Variants in RNF216 observed in about 807,000 individuals in gnomAD.
RNF216 encodes E3 ubiquitin-protein ligase RNF216.
In RNF216, 72 loss-of-function variants were observed where a neutral mutation model predicts 110.8. The ratio of observed to expected loss-of-function variants is 0.65; its 90% CI spans 0.54 to 0.79. The LOEUF is 0.79. Among genes scored for constraint, RNF216 ranks in the 30% least tolerant of loss-of-function variants. RNF216 has a pLI of 0.00. For missense variants in RNF216, 1,342 were observed against 1,141.2 expected (o/e 1.18, Z -2.54); for synonymous variants, 495 against 407.5 (o/e 1.21, Z -2.59).
chr7:5,739,597 T>C, intron 4 of RNF216: 2 of 584,712 alleles, frequency 3.4e-6, no homozygotes, highest in South Asian at 3.0e-5. Flanking sequence ...CCATTCTTCA[T>C]TGCTTCAACA....
chr7:5,649,376 G>A (rs545164339), intron 14 of RNF216, among the ~76,000 whole-genome samples: 2 of 109,672 alleles, frequency 1.8e-5, no homozygotes, highest in Admixed American at 8.3e-5. Flanking sequence ...CGGAGACTCC[G>A]TCTCCAAAGG....
intron 3 of RNF216, among the ~76,000 whole-genome samples, chr7:5,751,800 C>G (rs1235570077): frequency 1.4e-5 from 1 of 72,572 alleles, no homozygotes; most frequent in African/African-American, 5.4e-5. Context: ...CCTAGAACCA[C>G]AATAAAGCCA....
chr7:5,671,657 C>G (rs1789919432), intron 13 of RNF216, among the ~76,000 whole-genome samples: 1 of 151,902 alleles, frequency 6.6e-6, no homozygotes, highest in African/African-American at 2.4e-5. Context: ...ACAAAAAAAT[C>G]AGCTGGGCGC....
At chr7:5,730,469 T>C (rs975676024) in intron 6 of RNF216, among the ~76,000 whole-genome samples, 1 of 152,252 alleles carries the variant, frequency 6.6e-6, no homozygotes, top group African/African-American at 2.4e-5. Flanking sequence ...TTCAATTCTT[T>C]GTGGGAAAAG....
At chr7:5,738,656 C>T (rs1045859130) in intron 5 of RNF216, among the ~76,000 whole-genome samples, 2 of 138,244 alleles carry the variant, frequency 1.4e-5, no homozygotes, top group African/African-American at 5.5e-5. Context: ...TGCAGTGAGC[C>T]GAGATCGCAC....
At chr7:5,722,955 AAAC>A (rs991442077) in intron 8 of RNF216, among the ~76,000 whole-genome samples, 1 of 152,108 alleles carries the variant, frequency 6.6e-6, no homozygotes, top group African/African-American at 2.4e-5. Flanking sequence ...AAATTAAAAA[AAAC>A]AACAGCAACA....
At chr7:5,652,215 T>C (rs1245714825) in intron 14 of RNF216, among the ~76,000 whole-genome samples, 198 bp downstream of exon 14, 4 of 152,162 alleles carry the variant, frequency 2.6e-5, no homozygotes, top group South Asian at 2.1e-4. Flanking sequence ...ATATGTTAGT[T>C]TGTCTTCTGA....
chr7:5,674,843 A>C (rs896366945), intron 13 of RNF216, among the ~76,000 whole-genome samples: 1 of 151,908 alleles, frequency 6.6e-6, no homozygotes, highest in Admixed American at 6.6e-5. Flanking sequence ...TAAAAAATAC[A>C]AAAATTAGCT....
At chr7:5,712,232 C>T (rs1297280378) in intron 12 of RNF216, among the ~76,000 whole-genome samples, 1 of 152,164 alleles carries the variant, frequency 6.6e-6, no homozygotes. Flanking sequence ...GTAGTCCCAG[C>T]ACTTTGGGAG....
rs527819871 is a variant in RNF216, at chr7:5,759,195, G to C, written c.67+1808C>G. Among the ~76,000 whole-genome samples, 14 of 152,260 alleles carry C rather than the reference G, an allele frequency of 9.2e-5. No homozygotes were observed. The South Asian group carries it at 2.1e-3, about 23-fold the overall frequency. On this transcript the variant is annotated intron_variant, in intron 2 of 16. Transcript: ENST00000389902. ...CCTTTTCCTTCTGTCATGATTGTAA[G>C]TTTCCTAAGGCCTCCCCCAGAAGCA...
intron 1 of RNF216, among the ~76,000 whole-genome samples, chr7:5,772,008 T>TG (rs903520686): frequency 6.6e-6 from 1 of 151,794 alleles, no homozygotes; most frequent in African/African-American, 2.4e-5. Context: ...CCGAGGCGGG[T>TG]GGATCACCTG....
intron 14 of RNF216, among the ~76,000 whole-genome samples, chr7:5,647,084 G>C (rs140195158): frequency 5.9e-4 from 90 of 152,196 alleles, no homozygotes; most frequent in African/African-American, 2.1e-3. Flanking sequence ...AATCCACTGG[G>C]AGGCTGTTTC....
chr7:5,671,718 T>A (rs1401263033), intron 13 of RNF216, among the ~76,000 whole-genome samples: 2 of 145,536 alleles, frequency 1.4e-5, no homozygotes, highest in Admixed American at 1.4e-4. Context: ...GGCAGGAGAA[T>A]CTCTTCAAAC....
chr7:5,692,764 T>C (rs11980556), intron 13 of RNF216, among the ~76,000 whole-genome samples: 2,112 of 152,354 alleles, frequency 0.014, 39 homozygotes, highest in African/African-American at 0.048. Flanking sequence ...TAATCACATT[T>C]CTATTTTTCA....
chr7:5,748,607 TACATACACACACACACAC>T (rs1162912029), intron 3 of RNF216, among the ~76,000 whole-genome samples: 2 of 97,326 alleles, frequency 2.1e-5, no homozygotes, highest in African/African-American at 4.2e-5. Flanking sequence ...ATTTTTTATA[TACATACACACACACACAC>T]ACACACACAC....
intron 5 of RNF216, 142 bp from the exon 6 acceptor site, chr7:5,730,959 GA>G: frequency 7.8e-7 from 1 of 1,287,056 alleles, no homozygotes; most frequent in South Asian, 1.4e-5. Flanking sequence ...TTGTAGCCCA[GA>G]AAAACTAAAC....
chr7:5,745,160 T>C (rs1312531988), intron 3 of RNF216, among the ~76,000 whole-genome samples: 2 of 152,000 alleles, frequency 1.3e-5, no homozygotes, highest in East Asian at 3.9e-4. Context: ...TACTACTACA[T>C]TACAATGCCA....
chr7:5,776,894 C>A (rs1796810688), intron 1 of RNF216, among the ~76,000 whole-genome samples: 1 of 77,946 alleles, frequency 1.3e-5, no homozygotes, highest in Non-Finnish European at 2.5e-5. Context: ...GAGGGAGACT[C>A]TGTCCAAAAA....
At chr7:5,729,030 G>A (rs1793928657) in intron 7 of RNF216, among the ~76,000 whole-genome samples, 1 of 152,190 alleles carries the variant, frequency 6.6e-6, no homozygotes, top group Non-Finnish European at 1.5e-5. Flanking sequence ...CTTCTGAGGG[G>A]GCACTGCTGT....
Sources: gnomAD v4.1 joint callset for allele counts (sites outside exome capture counted in the v4.1 genomes callset) on GRCh38, gnomAD v4.1.1 for gene constraint, MANE v1.5 for transcripts, NCBI Gene and HGNC (gene_info 2026-07-23, HGNC 2026-07-21) for gene names.